SGPP2: variants seen among roughly 807,000 people sequenced by gnomAD.
The protein encoded by SGPP2 is sphingosine-1-phosphate phosphatase 2.
Under a neutral mutation model 33.9 loss-of-function variants are expected in SGPP2, and 30 were observed. The ratio of observed to expected loss-of-function variants is 0.89; its 90% CI spans 0.66 to 1.20. The LOEUF (loss-of-function observed/expected upper bound fraction) is 1.20, where lower values mean the gene tolerates loss of function less well. SGPP2 is among the 50% of genes most tolerant of loss of function. The probability of loss-of-function intolerance (pLI) is 0.00; values close to 1 mark genes in which losing one functional copy is unlikely to be tolerated. For missense variants in SGPP2, 458 were observed against 532.1 expected, an observed-to-expected ratio of 0.86 and a Z score of 1.37; for synonymous variants, 233 against 225.0, an observed-to-expected ratio of 1.04 and a Z score of -0.32.
intron 2 of SGPP2, among the ~76,000 whole-genome samples, chr2:222,500,022 T>G (rs980055414): frequency 1.3e-5 from 2 of 152,164 alleles, no homozygotes. Flanking sequence ...GAATTATGCA[T>G]TAAGGCCAAA....
chr2:222,430,692 A>G (rs1279856242), intron 1 of SGPP2, among the ~76,000 whole-genome samples: 4 of 152,194 alleles, frequency 2.6e-5, no homozygotes, highest in Non-Finnish European at 5.9e-5. Flanking sequence ...AGAAGGGGGA[A>G]AAAAGTAATT....
chr2:222,476,146 G>C lies in SGPP2; in HGVS notation c.378+1420G>C, dbSNP rs922416875. Among the ~76,000 whole-genome samples the C allele has an allele frequency of 3.9e-5, 6 of 152,204 alleles. No homozygotes were observed. The highest frequency in any genetic ancestry group is 3.9e-4 in the Admixed American group (6 of 15,282). On this transcript the variant is annotated intron_variant, in intron 2 of 4. Transcript: ENST00000321276. The surrounding 1 kb of genome is among the most constrained non-coding windows in gnomAD (Gnocchi z 4.3). ...TAGAAATAGAGGTTCAGAAGCACTT[G>C]GTTGGGTATAAAAGAGAAGATTTTA...
At chr2:222,526,553 CTT>C in intron 4 of SGPP2, among the ~76,000 whole-genome samples, 2 of 152,242 alleles carry the variant, frequency 1.3e-5, no homozygotes, top group South Asian at 4.1e-4. Flanking sequence ...ATGAAGAACT[CTT>C]GGGTTCTCTG....
intron 2 of SGPP2, among the ~76,000 whole-genome samples, chr2:222,511,964 C>T (rs1014247641): frequency 2.6e-5 from 4 of 152,010 alleles, no homozygotes; most frequent in African/African-American, 9.7e-5. Flanking sequence ...AGGTATGAGC[C>T]ACCATGCCTG....
chr2:222,426,457 C>T (rs998006022), intron 1 of SGPP2, among the ~76,000 whole-genome samples: 7 of 152,180 alleles, frequency 4.6e-5, no homozygotes, highest in East Asian at 1.9e-4. Flanking sequence ...CCCCTGGTAA[C>T]TTAACTTTAA....
At chr2:222,556,253 A>C (rs904886527) in intron 4 of SGPP2, among the ~76,000 whole-genome samples, 2 of 152,116 alleles carry the variant, frequency 1.3e-5, no homozygotes, top group Middle Eastern at 3.2e-3. Flanking sequence ...TTTCTCCCCA[A>C]AATTAAGGCA....
chr2:222,441,682 C>A (rs538918950), intron 1 of SGPP2, among the ~76,000 whole-genome samples: 1 of 151,654 alleles, frequency 6.6e-6, no homozygotes, highest in Non-Finnish European at 1.5e-5. Context: ...GTTTACAATA[C>A]GAAGGTAGGA....
Position 222,559,296 on chromosome 2 carries a change from A to C in SGPP2, c.*398A>C. 1 of 183,328 alleles carries C rather than the reference A, an allele frequency of 5.5e-6. No individual in the cohort carries two copies. Among genetic ancestry groups the C allele is most frequent in the Non-Finnish European group, 1.2e-5 (1 of 85,736 alleles). 11.4% of individuals were successfully genotyped at this position (183,328 alleles called of 1,614,324 possible). ...ACTGGGTTCTGGAGAGCCAGTAGAG[A>C]TGGGGTGATCTGGGAGGCTGGAGGT... On this transcript the variant is annotated 3_prime_UTR_variant, in exon 5 of 5. Transcript: ENST00000321276.
intron 1 of SGPP2, chr2:222,453,002 C>T (rs1330723726): frequency 6.3e-7 from 1 of 1,585,120 alleles, no homozygotes; most frequent in Non-Finnish European, 8.7e-7. Flanking sequence ...TGGAAGAGAA[C>T]ACAGTTCTGG....
At chr2:222,440,341 T>G (rs1697305831) in intron 1 of SGPP2, among the ~76,000 whole-genome samples, 1 of 61,468 alleles carries the variant, frequency 1.6e-5, no homozygotes, top group Non-Finnish European at 3.5e-5. Context: ...TGTGTTTTTG[T>G]TTTTGTTTTT....
rs116050026 is a variant in SGPP2, at chr2:222,528,519, G to A, written c.648+3486G>A. On this transcript the variant is annotated intron_variant, in intron 4 of 4. Transcript: ENST00000321276. ...TAACAATGATCTGGGCCTTCTGTGA[G>A]TCATAATGTTTTTGCTGGTGGAGGG... Among the ~76,000 whole-genome samples, 1,083 of 152,318 alleles carry A rather than the reference G, an allele frequency of 7.1e-3. 10 individuals carry two copies. The highest frequency in any genetic ancestry group is 0.024 in the African/African-American group (1,002 of 41,566).
chr2:222,454,532 G>C (rs1032466193), intron 1 of SGPP2, among the ~76,000 whole-genome samples: 2 of 152,172 alleles, frequency 1.3e-5, no homozygotes, highest in African/African-American at 4.8e-5. Context: ...GGTCAAAGTA[G>C]ATTTTCTTTA....
At chr2:222,542,809 C>G (rs1239051256) in intron 4 of SGPP2, among the ~76,000 whole-genome samples, 1 of 148,458 alleles carries the variant, frequency 6.7e-6, no homozygotes, top group African/African-American at 2.5e-5. Context: ...ACTTCTTTTT[C>G]TTTTCCTTTT....
intron 2 of SGPP2, among the ~76,000 whole-genome samples, chr2:222,491,408 C>T (rs1182181841): frequency 6.6e-6 from 1 of 152,114 alleles, no homozygotes; most frequent in Non-Finnish European, 1.5e-5. Flanking sequence ...ACCCACAGCT[C>T]TGCATGGCTG....
chr2:222,446,604 G>A (rs147022399), intron 1 of SGPP2, among the ~76,000 whole-genome samples: 1 of 152,254 alleles, frequency 6.6e-6, no homozygotes, highest in Non-Finnish European at 1.5e-5. Flanking sequence ...AAACATTCAT[G>A]TACAAAACTT....
At chr2:222,551,606 T>C (rs912596184) in intron 4 of SGPP2, among the ~76,000 whole-genome samples, 6 of 152,238 alleles carry the variant, frequency 3.9e-5, no homozygotes, top group African/African-American at 1.2e-4. Flanking sequence ...CAAAAATACC[T>C]ACATGTCTTT....
At chr2:222,494,381 G>A (rs970167256) in intron 2 of SGPP2, among the ~76,000 whole-genome samples, 21 of 152,206 alleles carry the variant, frequency 1.4e-4, no homozygotes, top group African/African-American at 4.8e-4. Context: ...GACTGTAGGC[G>A]GTAGAGATAG....
intron 1 of SGPP2, among the ~76,000 whole-genome samples, chr2:222,430,376 A>T (rs1296022224): frequency 6.6e-6 from 1 of 152,254 alleles, no homozygotes; most frequent in East Asian, 1.9e-4. Flanking sequence ...GAAACCTTAA[A>T]AATAGTTAAA....
At chr2:222,438,367 T>C (rs998227531) in intron 1 of SGPP2, among the ~76,000 whole-genome samples, 12 of 152,208 alleles carry the variant, frequency 7.9e-5, no homozygotes, top group African/African-American at 2.9e-4. Flanking sequence ...ATCAGCATAA[T>C]GTCATCCATG....
Sources: gnomAD v4.1 joint callset for allele counts (sites outside exome capture counted in the v4.1 genomes callset) on GRCh38, gnomAD v4.1.1 for gene constraint, Gnocchi (gnomAD v3.1) non-coding constraint, MANE v1.5 for transcripts, NCBI Gene and HGNC (gene_info 2026-07-23, HGNC 2026-07-21) for gene names.